Variants in ILRUN observed in about 807,000 individuals in gnomAD.
The protein encoded by ILRUN is protein ILRUN.
In ILRUN, 3 loss-of-function variants were observed where a neutral mutation model predicts 33.8. That is an observed-to-expected ratio of 0.09 (90% CI 0.04 to 0.23). The LOEUF (loss-of-function observed/expected upper bound fraction) is 0.23. Among genes scored for constraint, ILRUN ranks in the 10% least tolerant of loss-of-function variants. ILRUN has a pLI of 1.00. For synonymous variants in ILRUN, 124 were observed against 138.9 expected, an observed-to-expected ratio of 0.89 and a Z score of 0.75; for missense variants, 210 against 375.1, an observed-to-expected ratio of 0.56 and a Z score of 3.64.
At chr6:34,690,783 G>GTTTTA (rs1052824548) in intron 1 of ILRUN, among the ~76,000 whole-genome samples, 1,853 of 44,906 alleles carry the variant, frequency 0.041, 45 homozygotes, top group African/African-American at 0.093. Context: ...TAGCAAGGAA[G>GTTTTA]GTTTAAACAT....
At chr6:34,601,154 G>A (rs1761499150) in intron 4 of ILRUN, among the ~76,000 whole-genome samples, 1 of 152,096 alleles carries the variant, frequency 6.6e-6, no homozygotes, top group Non-Finnish European at 1.5e-5. Flanking sequence ...TCATAAGCTT[G>A]GTAGAACTAT....
intron 3 of ILRUN, among the ~76,000 whole-genome samples, chr6:34,637,206 A>T (rs1762381636): frequency 6.6e-6 from 1 of 152,222 alleles, no homozygotes; most frequent in Non-Finnish European, 1.5e-5. Flanking sequence ...AAAACACTTT[A>T]ACTATATCTG....
chr6:34,590,897 G>A (rs1761281307), intron 4 of ILRUN, among the ~76,000 whole-genome samples: 1 of 152,072 alleles, frequency 6.6e-6, no homozygotes, highest in Non-Finnish European at 1.5e-5. Context: ...CTCCACCCAG[G>A]TCACAAAGCT....
Position 34,646,963 on chromosome 6 carries a change from G to C in ILRUN, c.314-165C>G, listed in dbSNP as rs1035486865. On this transcript the variant is annotated intron_variant, in intron 2 of 4. Transcript: ENST00000374023. This position sits in a 1 kb window ranked among gnomAD's most constrained non-coding sequence, Gnocchi z 4.9. Reference sequence around the variant, plus strand: ...ATTGTCTCACACAACTGATCAAAAGGAATTATCAGAACCAACAACCTCTGA... The same window carrying C: ...ATTGTCTCACACAACTGATCAAAAGCAATTATCAGAACCAACAACCTCTGA... Among the ~76,000 whole-genome samples, 1 of 152,072 alleles carries C rather than the reference G, an allele frequency of 6.6e-6. No homozygotes were observed. Among genetic ancestry groups the C allele is most frequent in the African/African-American group, 2.4e-5 (1 of 41,386 alleles).
chr6:34,606,947 T>A, intron 3 of ILRUN, 43 bp from the exon 4 acceptor site: 1 of 1,492,194 alleles, frequency 6.7e-7, no homozygotes, highest in Non-Finnish European at 9.1e-7. Context: ...GGCTTACCCT[T>A]AAAGGCCCAA....
chr6:34,671,328 G>C (rs6916624), intron 1 of ILRUN, among the ~76,000 whole-genome samples: 1 of 152,320 alleles, frequency 6.6e-6, no homozygotes, highest in East Asian at 1.9e-4. Flanking sequence ...TGAGGTTGCA[G>C]TGAGCCATGA....
intron 4 of ILRUN, among the ~76,000 whole-genome samples, chr6:34,606,047 C>T (rs1347961271): frequency 6.6e-6 from 1 of 152,164 alleles, no homozygotes; most frequent in Non-Finnish European, 1.5e-5. Flanking sequence ...TCACAACAAT[C>T]AGAATATTTA....
At chr6:34,660,736 G>A (rs1014055141) in intron 1 of ILRUN, among the ~76,000 whole-genome samples, 2 of 152,076 alleles carry the variant, frequency 1.3e-5, no homozygotes, top group Admixed American at 6.6e-5. Flanking sequence ...CAATGTGAGA[G>A]GAATCTAACA....
chr6:34,644,302 T>G (rs1008729701), intron 3 of ILRUN, among the ~76,000 whole-genome samples: 1 of 152,224 alleles, frequency 6.6e-6, no homozygotes, highest in Admixed American at 6.5e-5. Flanking sequence ...TTTTAAAAAT[T>G]TACTAAGTAG....
At chr6:34,620,317 G>T (rs143543734) in intron 3 of ILRUN, among the ~76,000 whole-genome samples, 2 of 152,262 alleles carry the variant, frequency 1.3e-5, no homozygotes, top group African/African-American at 4.8e-5. Flanking sequence ...CACAAGGCAG[G>T]TGCTCAATAA....
chr6:34,603,461 C>T (rs1056514895), intron 4 of ILRUN, among the ~76,000 whole-genome samples: 1 of 152,116 alleles, frequency 6.6e-6, no homozygotes, highest in African/African-American at 2.4e-5. Flanking sequence ...GGTGAAACCC[C>T]GTCTCTACTA....
intron 4 of ILRUN, chr6:34,595,962 CAGA>C: frequency 1.0e-6 from 1 of 963,002 alleles, no homozygotes; most frequent in Non-Finnish European, 1.2e-6. Context: ...AATGCAAACA[CAGA>C]AGAATACAGG....
intron 3 of ILRUN, among the ~76,000 whole-genome samples, chr6:34,642,890 G>A (rs1251988432): frequency 2.7e-5 from 4 of 150,630 alleles, no homozygotes; most frequent in Non-Finnish European, 5.9e-5. Flanking sequence ...CTACTTGGGA[G>A]GCTGAGGCAA....
At chr6:34,647,292 G>A (rs996291093) in intron 2 of ILRUN, among the ~76,000 whole-genome samples, 1 of 152,146 alleles carries the variant, frequency 6.6e-6, no homozygotes, top group African/African-American at 2.4e-5. Context: ...ATTTAAAATT[G>A]CTTTTTGCCT....
intron 4 of ILRUN, chr6:34,595,679 T>C (rs1270503847): frequency 1.2e-6 from 1 of 827,116 alleles, no homozygotes; most frequent in African/African-American, 1.9e-5. Context: ...AAGCTTGTTG[T>C]TTAGATAAAT....
intron 1 of ILRUN, among the ~76,000 whole-genome samples, chr6:34,678,212 G>A (rs1016669074): frequency 1.3e-5 from 2 of 151,990 alleles, no homozygotes; most frequent in Non-Finnish European, 2.9e-5. Context: ...GCTAATTTTT[G>A]TATTTTTTAG....
chr6:34,682,784 T>G (rs1763395359), intron 1 of ILRUN, among the ~76,000 whole-genome samples: 1 of 152,128 alleles, frequency 6.6e-6, no homozygotes, highest in African/African-American at 2.4e-5. Flanking sequence ...CATTGTTAAT[T>G]CTTTAAAATA....
chr6:34,677,947 CAAAAA>C (rs200840957), intron 1 of ILRUN, among the ~76,000 whole-genome samples: 18 of 74,352 alleles, frequency 2.4e-4, no homozygotes, highest in South Asian at 8.7e-4. Context: ...ATCCTGCCTC[CAAAAA>C]AAAAAAAAAA....
chr6:34,626,448 A>C (rs545233370), intron 3 of ILRUN, among the ~76,000 whole-genome samples: 2 of 152,194 alleles, frequency 1.3e-5, no homozygotes, highest in Non-Finnish European at 2.9e-5. Context: ...AAGGGCTGGA[A>C]TTACAGGCAT....
Sources: gnomAD v4.1 joint callset for allele counts (sites outside exome capture counted in the v4.1 genomes callset) on GRCh38, gnomAD v4.1.1 for gene constraint, Gnocchi (gnomAD v3.1) non-coding constraint, MANE v1.5 for transcripts, NCBI Gene and HGNC (gene_info 2026-07-23, HGNC 2026-07-21) for gene names.